The following GCNT4 variants were observed in gnomAD, a reference collection of about 807,000 sequenced individuals.
GCNT4 encodes the protein beta-1,3-galactosyl-O-glycosyl-glycoprotein beta-1,6-N-acetylglucosaminyltransferase 4.
Under a neutral mutation model 31.3 loss-of-function variants are expected in GCNT4, and 17 were observed. The observed-to-expected ratio is 0.54, with a 90% CI of 0.37 to 0.81. GCNT4 has a LOEUF of 0.81. Among genes scored for constraint, GCNT4 ranks in the 40% least tolerant of loss-of-function variants. The pLI, the probability that GCNT4 is intolerant of heterozygous loss-of-function variation, is 0.00. For missense variants in GCNT4, 503 were observed against 525.5 expected, an observed-to-expected ratio of 0.96 and a Z score of 0.42; for synonymous variants, 158 against 190.6, an observed-to-expected ratio of 0.83 and a Z score of 1.41.
intron 3 of GCNT4, among the ~76,000 whole-genome samples, chr5:75,035,601 C>A (rs1437487302): frequency 2.0e-5 from 3 of 152,182 alleles, no homozygotes; most frequent in Non-Finnish European, 4.4e-5. Flanking sequence ...GAAAATGTGG[C>A]CAGATTGCTT....
chr5:75,032,056 G>A (rs1743075349), intron 3 of GCNT4, among the ~76,000 whole-genome samples: 1 of 152,092 alleles, frequency 6.6e-6, no homozygotes, highest in Admixed American at 6.5e-5. Context: ...TCTCCCCTGG[G>A]AATGAGATCC....
upstream of GCNT4, among the ~76,000 whole-genome samples, chr5:75,053,889 T>A (rs1743649767): frequency 6.6e-6 from 1 of 152,126 alleles, no homozygotes; most frequent in Non-Finnish European, 1.5e-5. Flanking sequence ...AAATCTGAGG[T>A]CAGGAGAGCT....
intron 2 of GCNT4, among the ~76,000 whole-genome samples, chr5:75,048,639 CTT>C: frequency 6.6e-6 from 1 of 152,188 alleles, no homozygotes; most frequent in Non-Finnish European, 1.5e-5. Context: ...GCTGCAAATC[CTT>C]GTTTCTATGA....
chr5:75,042,318 G>GT (rs1743338798), intron 3 of GCNT4, among the ~76,000 whole-genome samples: 1 of 152,150 alleles, frequency 6.6e-6, no homozygotes, highest in African/African-American at 2.4e-5. Context: ...TTGAAAATGT[G>GT]TATCTATTGC....
At chr5:75,053,281 C>G (rs1040571713), upstream of GCNT4, among the ~76,000 whole-genome samples, 1 of 151,966 alleles carries the variant, frequency 6.6e-6, no homozygotes, top group South Asian at 2.1e-4. Flanking sequence ...GGCCCCGGGG[C>G]TCCTGCAGGC....
intron 3 of GCNT4, among the ~76,000 whole-genome samples, chr5:75,033,941 GC>G (rs1213685131): frequency 6.6e-6 from 1 of 152,036 alleles, no homozygotes; most frequent in Admixed American, 6.6e-5. Context: ...GAGGTATTTG[GC>G]TTTCTGTTCC....
chr5:75,017,781 C>CT, the GCNT4 span, among the ~76,000 whole-genome samples: 15 of 152,294 alleles, frequency 9.8e-5, no homozygotes, highest in African/African-American at 3.6e-4. Flanking sequence ...CCAATTCCTG[C>CT]TGCCACTACA....
intron 3 of GCNT4, among the ~76,000 whole-genome samples, chr5:75,039,073 T>G (rs550836962): frequency 7.3e-5 from 11 of 150,674 alleles, no homozygotes; most frequent in African/African-American, 2.7e-4. Context: ...TTATTCACTG[T>G]TTTTTTTTGT....
At chr5:75,018,519 AC>A in the GCNT4 span, among the ~76,000 whole-genome samples, 1 of 151,950 alleles carries the variant, frequency 6.6e-6, no homozygotes, top group African/African-American at 2.4e-5. Flanking sequence ...TGACCTCGTG[AC>A]CTGCCACCTT....
At chr5:75,021,449 G>A (rs1253171441), downstream of GCNT4, among the ~76,000 whole-genome samples, 2 of 152,160 alleles carry the variant, frequency 1.3e-5, no homozygotes, top group Non-Finnish European at 2.9e-5. Flanking sequence ...CCCAGCTTGG[G>A]TCACGTGACC....
intron 3 of GCNT4, 111 bp downstream of exon 3, chr5:75,047,786 T>A (rs1743476376): frequency 1.6e-5 from 2 of 127,984 alleles, no homozygotes; most frequent in Non-Finnish European, 3.5e-5. Flanking sequence ...TTTTAGAGCT[T>A]GGGGGAGGTA....
rs1399450412 is a variant in GCNT4 at position 75,029,513 on chromosome 5, G to T, written c.525C>A (p.Ala175=). ...DRKAPDTFKV[A]MNNLAKCFSN... is the part of the protein sequence containing the mutation. The stretch of plus-strand genomic sequence containing the variant: ...AGAAGCACTTAGCTAAATTGTTCAT[G>T]GCAACTTTGAAGGTATCAGGTGCCT... The change falls in exon 4 of 4, where the codon GCC becomes GCA. Residue 175 remains alanine (A), a synonymous_variant. Coordinates refer to ENST00000652361, the MANE Select transcript of GCNT4 (RefSeq NM_001366737.1). 3.1e-6 allele frequency: 5 copies of T among 1,613,952 alleles called. No homozygotes were observed. The African/African-American group carries it at 5.3e-5, about 17-fold the overall frequency.
chr5:75,053,155 G>A (rs566933027), upstream of GCNT4, among the ~76,000 whole-genome samples: 1,731 of 151,890 alleles, frequency 0.011, 26 homozygotes, highest in African/African-American at 0.038. Flanking sequence ...ACTTCCCCGC[G>A]TCTGGCCGCA....
chr5:75,043,423 T>C (rs1313316212), intron 3 of GCNT4, among the ~76,000 whole-genome samples: 1 of 152,238 alleles, frequency 6.6e-6, no homozygotes, highest in South Asian at 2.1e-4. Flanking sequence ...TAGAAACATG[T>C]CTCTTGAAAA....
chr5:75,024,876 G>A (rs1266173989), downstream of GCNT4, among the ~76,000 whole-genome samples: 1 of 150,356 alleles, frequency 6.7e-6, no homozygotes, highest in Non-Finnish European at 1.5e-5. Flanking sequence ...GCTTGATCCC[G>A]GGAGGCGGAG....
At chr5:75,053,612 G>A (rs1460211898), upstream of GCNT4, among the ~76,000 whole-genome samples, 2 of 152,076 alleles carry the variant, frequency 1.3e-5, no homozygotes, top group African/African-American at 4.8e-5. Flanking sequence ...CAGGCTCTCC[G>A]CGGCGGCTCG....
chr5:75,034,724 G>T (rs1297590529), intron 3 of GCNT4, among the ~76,000 whole-genome samples: 1 of 152,208 alleles, frequency 6.6e-6, no homozygotes, highest in Non-Finnish European at 1.5e-5. Flanking sequence ...CTGTTGCAAG[G>T]TTTGGTGGCT....
At chr5:75,021,765 C>G (rs901527720), downstream of GCNT4, among the ~76,000 whole-genome samples, 1 of 152,056 alleles carries the variant, frequency 6.6e-6, no homozygotes, top group Non-Finnish European at 1.5e-5. Flanking sequence ...GTTTTGCTTC[C>G]ACAAATTGGA....
chr5:75,032,907 G>GTGTGTC (rs1743102114), intron 3 of GCNT4, among the ~76,000 whole-genome samples: 1 of 137,164 alleles, frequency 7.3e-6, no homozygotes, highest in Admixed American at 7.2e-5. Flanking sequence ...GTGTGTGTGT[G>GTGTGTC]TGTGTGTGTG....
Sources: gnomAD v4.1 joint callset for allele counts (sites outside exome capture counted in the v4.1 genomes callset) on GRCh38, gnomAD v4.1.1 for gene constraint, MANE v1.5 for transcripts, NCBI Gene and HGNC (gene_info 2026-07-23, HGNC 2026-07-21) for gene names.